PCDHA4: variants seen among roughly 807,000 people sequenced by gnomAD.
PCDHA4 encodes protocadherin alpha-4.
PCDHA4 carries 49 observed loss-of-function variants against 61.4 expected under a neutral mutation model. That is an observed-to-expected ratio of 0.80 (90% CI 0.63 to 1.01). The LOEUF is 1.01. PCDHA4 is among the 50% of genes least tolerant of loss of function. The pLI is 0.00. For missense variants in PCDHA4, 1,254 were observed against 1,235.8 expected, an observed-to-expected ratio of 1.01 and a Z score of -0.22; for synonymous variants, 590 against 550.3, an observed-to-expected ratio of 1.07 and a Z score of -1.01.
chr5:140,830,936 TTTA>T (rs1554133060), intron 1 of PCDHA4: 4 of 152,346 alleles, frequency 2.6e-5, no homozygotes. Flanking sequence ...TGTCGACACT[TTTA>T]TTAAGCTAAC....
At chr5:140,842,267 T>C (rs2150333098) in intron 1 of PCDHA4, 11 of 1,610,674 alleles carry the variant, frequency 6.8e-6, no homozygotes, top group African/African-American at 5.3e-5. Flanking sequence ...AGAAAACTTA[T>C]ACAAAATCCT....
intron 1 of PCDHA4, chr5:140,858,242 C>G (rs1554151322): frequency 6.3e-7 from 1 of 1,596,300 alleles, no homozygotes; most frequent in Non-Finnish European, 8.6e-7. Flanking sequence ...CGCATGTGGG[C>G]CGGTGAAGCC....
chr5:140,984,971 T>A (rs1437915679), intron 3 of PCDHA4, among the ~76,000 whole-genome samples: 1 of 152,080 alleles, frequency 6.6e-6, no homozygotes, highest in East Asian at 1.9e-4. Flanking sequence ...AGAGTCTCGC[T>A]CTGTCCCCCA....
intron 3 of PCDHA4, among the ~76,000 whole-genome samples, chr5:140,991,824 A>T (rs1326935155): frequency 1.3e-5 from 2 of 152,240 alleles, no homozygotes; most frequent in Non-Finnish European, 2.9e-5. Context: ...TTAGGCATTT[A>T]TAACGGCAGA....
In PCDHA4 at chr5:141,011,633, G is replaced by A. The variant is rs988824031; in HGVS notation, c.*1696G>A. ...TTATGGTCCAGCCAAGAGCCATCTC[G>A]TGCCAAGACTTCTGCTGGCAAGGGA... is the stretch of plus-strand genomic sequence containing the variant. On this transcript the variant is annotated 3_prime_UTR_variant, in exon 4 of 4. Transcript: ENST00000530339. The A allele has an allele frequency of 6.5e-6, 1 of 153,624 alleles. No homozygotes were observed. Among genetic ancestry groups the A allele is most frequent in the Non-Finnish European group, 1.5e-5 (1 of 68,022 alleles). The allele number at this position is 153,624 out of a possible 1,614,324, so 9.5% of individuals were successfully genotyped here. A position where few individuals can be genotyped will look rare whatever the true frequency, so the allele number is the denominator to read the frequency against.
chr5:140,892,757 A>G lies in PCDHA4; in HGVS notation c.2385+83185A>G, dbSNP rs140291258. 8.0e-3 allele frequency among the ~76,000 whole-genome samples: 1,217 copies of G among 152,310 alleles called. 7 individuals carry two copies. Among genetic ancestry groups the G allele is most frequent in the African/African-American group, 0.019 (784 of 41,562 alleles). ...CCATTTTTGCATGGTGAACATTTAA[A>G]ATCCACTCTTCTAGCTTCTTGAAAA... On this transcript the variant is annotated intron_variant, in intron 1 of 3. Transcript: ENST00000530339.
In PCDHA4 at chr5:140,978,964, C is replaced by A; in HGVS notation, c.2401C>A (p.Pro801Thr). The A allele has an allele frequency of 6.2e-7, 1 of 1,614,122 alleles. No individual in the cohort carries two copies. The highest frequency in any genetic ancestry group is 1.3e-5 in the African/African-American group (1 of 75,040). ...GATTTTGCAGCCACGACAGCCCAAC[C>A]CTGACTGGCGTTACTCTGCCTCCCT... The part of the protein sequence containing the change: ...ESFAKPRQPN[P>T]DWRYSASLRA... Residue 801 changes from proline (P) to threonine (T), a missense_variant, in exon 2 of 4, where the codon CCT becomes ACT. Transcript: ENST00000530339.
intron 1 of PCDHA4, among the ~76,000 whole-genome samples, chr5:140,827,631 T>C (rs1554130832): frequency 1.2e-4 from 19 of 152,238 alleles, no homozygotes; most frequent in Non-Finnish European, 1.5e-5. Flanking sequence ...GAGTGTAGAA[T>C]AGTTTACATT....
At chr5:140,966,777 C>T (rs1554228636) in intron 1 of PCDHA4, 2 of 1,510,822 alleles carry the variant, frequency 1.3e-6, no homozygotes, top group Non-Finnish European at 1.8e-6. Context: ...ATGGAGCAGG[C>T]GGGCACCAGA....
chr5:140,812,238 G>C (rs1418134307), intron 1 of PCDHA4: 1 of 151,646 alleles, frequency 6.6e-6, no homozygotes, highest in African/African-American at 2.4e-5. Context: ...TTATGTCTTG[G>C]TAGTTTGTAT....
chr5:140,836,424 C>T (rs2150260544), intron 1 of PCDHA4: 2 of 1,613,814 alleles, frequency 1.2e-6, no homozygotes, highest in Non-Finnish European at 1.7e-6. Flanking sequence ...GGCGTCGTCG[C>T]GGGCATCGTT....
intron 1 of PCDHA4, chr5:140,861,505 A>G: frequency 2.1e-6 from 1 of 482,692 alleles, no homozygotes; most frequent in African/African-American, 2.0e-5. Flanking sequence ...ATAGACCTCG[A>G]GGAGCTGTGT....
At chr5:140,870,830 T>C in intron 1 of PCDHA4, 1 of 1,613,762 alleles carries the variant, frequency 6.2e-7, no homozygotes. Context: ...GGAGGCGCAG[T>C]TAACAAGCTA....
chr5:140,980,684 G>GAA (rs782726576), intron 2 of PCDHA4, among the ~76,000 whole-genome samples: 2 of 145,064 alleles, frequency 1.4e-5, no homozygotes, highest in African/African-American at 5.1e-5. Context: ...TTTTCAAATT[G>GAA]AAAAAAAAAA....
intron 1 of PCDHA4, chr5:140,869,960 C>G: frequency 6.2e-7 from 1 of 1,612,264 alleles, no homozygotes; most frequent in Non-Finnish European, 8.5e-7. Flanking sequence ...TCAATTAAGC[C>G]CAATGGAAGA....
intron 1 of PCDHA4, among the ~76,000 whole-genome samples, chr5:140,936,829 CTA>C (rs1370139349): frequency 5.9e-5 from 9 of 152,026 alleles, no homozygotes; most frequent in African/African-American, 1.7e-4. Flanking sequence ...CTTTGCATTT[CTA>C]TATAAATTGT....
chr5:140,951,252 A>AT (rs1488592252), intron 1 of PCDHA4, among the ~76,000 whole-genome samples: 16 of 151,738 alleles, frequency 1.1e-4, no homozygotes, highest in Admixed American at 1.1e-3. Context: ...AATGCATCAC[A>AT]TTTTTCTGGT....
chr5:140,837,199 TTAGTC>T (rs1774954755), intron 1 of PCDHA4: 1 of 152,580 alleles, frequency 6.6e-6, no homozygotes, highest in Non-Finnish European at 1.5e-5. Flanking sequence ...CTTTTTATCT[TTAGTC>T]TAGAACTTGA....
chr5:140,809,608 T>C, intron 1 of PCDHA4, 36 bp downstream of exon 1: 1 of 1,524,700 alleles, frequency 6.6e-7, no homozygotes, highest in Non-Finnish European at 8.8e-7. Context: ...AATTTTCGTA[T>C]TGTTTTTCTC....
Sources: gnomAD v4.1 joint callset for allele counts (sites outside exome capture counted in the v4.1 genomes callset) on GRCh38, gnomAD v4.1.1 for gene constraint, MANE v1.5 for transcripts, NCBI Gene and HGNC (gene_info 2026-07-23, HGNC 2026-07-21) for gene names.